The following PLEKHB2 variants were observed in gnomAD, a reference collection of about 807,000 sequenced individuals.
The protein encoded by PLEKHB2 is pleckstrin homology domain-containing family B member 2.
Under a neutral mutation model 36.5 loss-of-function variants are expected in PLEKHB2, and 31 were observed. The observed-to-expected ratio is 0.85, with a 90% CI of 0.64 to 1.15. The LOEUF (loss-of-function observed/expected upper bound fraction) is 1.15. Ranked by LOEUF, PLEKHB2 falls within the 50% of genes most tolerant of loss-of-function variation. The pLI is 0.00. For missense variants in PLEKHB2, 262 were observed against 295.3 expected (o/e 0.89, Z 0.83); for synonymous variants, 119 against 112.0 (o/e 1.06, Z -0.39).
intron 6 of PLEKHB2, 101 bp from the exon 7 acceptor site, chr2:131,140,066 A>G: frequency 1.5e-6 from 1 of 650,034 alleles, no homozygotes; most frequent in Non-Finnish European, 2.7e-6. Flanking sequence ...GTTTTTTTTA[A>G]TTGACTGTTG....
In PLEKHB2 at chr2:131,126,693, C is replaced by A. The variant is rs931642515; in HGVS notation, c.200C>A (p.Pro67His). The change falls in exon 4 of 8, where the codon CCC (proline) becomes CAC (histidine). Residue 67 changes from proline (P) to histidine (H), a missense_variant. By Grantham distance (77) the Pro-to-His change is moderately conservative. Coordinates refer to ENST00000693505, the MANE Select transcript of PLEKHB2 (RefSeq NM_001100623.2). The part of the protein sequence containing the change: ...RTGQECRDTQ[P>H]PDGKSKDCML... ...TGCTTATTTTTCATAGATACTCAGC[C>A]CCCGGATGGAAAGTCAAAAGACTGC... 3.1e-6 allele frequency: 5 copies of A among 1,597,478 alleles called. 1 individual carries two copies. Among genetic ancestry groups the A allele is most frequent in the Middle Eastern group, 3.3e-4 (2 of 6,036 alleles).
rs190025134 is a variant in PLEKHB2, at chr2:131,132,437, G to C, written c.334-465G>C. ...TCCTTGAGACTTAGCCTTCTGAGTAGCTGGGGCCATAAGCACCATGCCCAG... is the reference window on the plus strand; with the variant it reads ...TCCTTGAGACTTAGCCTTCTGAGTACCTGGGGCCATAAGCACCATGCCCAG... On this transcript the variant is annotated intron_variant, in intron 5 of 7. Transcript: ENST00000693505. 2.8e-3 allele frequency among the ~76,000 whole-genome samples: 422 copies of C among 152,216 alleles called. 7 individuals are homozygous for C. Among genetic ancestry groups the C allele is most frequent in the Non-Finnish European group, 1.8e-3 (120 of 68,012 alleles).
intron 1 of PLEKHB2, among the ~76,000 whole-genome samples, chr2:131,111,812 T>C (rs1254269043): frequency 1.3e-5 from 2 of 152,200 alleles, no homozygotes; most frequent in Admixed American, 1.3e-4. Flanking sequence ...TTTTTAAAGT[T>C]TTCTTTTGTA....
intron 7 of PLEKHB2, among the ~76,000 whole-genome samples, chr2:131,146,138 T>C (rs1699266832): frequency 6.6e-6 from 1 of 151,284 alleles, no homozygotes; most frequent in African/African-American, 2.4e-5. Context: ...GCTGAGATCA[T>C]GCCACTGCAC....
rs938682431 is a variant in PLEKHB2, at chr2:131,147,443, A to G, written c.*670A>G. ...ATGGCTTTGGTAGGCATACTTGGAG[A>G]ACATATCCCACATTAGGAATTGATT... On this transcript the variant is annotated 3_prime_UTR_variant, in exon 8 of 8. Coordinates refer to ENST00000693505, the MANE Select transcript of PLEKHB2 (RefSeq NM_001100623.2). The G allele has an allele frequency of 2.0e-5, 3 of 152,358 alleles. No homozygotes were observed. Among genetic ancestry groups the G allele is most frequent in the East Asian group, 3.9e-4 (2 of 5,186 alleles). 9.4% of individuals were successfully genotyped at this position (152,358 alleles called of 1,614,324 possible). A position where few individuals can be genotyped will look rare whatever the true frequency, so the allele number is the denominator to read the frequency against.
At chr2:131,131,840 G>A (rs1201276728) in intron 5 of PLEKHB2, among the ~76,000 whole-genome samples, 4 of 149,516 alleles carry the variant, frequency 2.7e-5, no homozygotes, top group African/African-American at 9.9e-5. Flanking sequence ...TCTTTGTGTG[G>A]ATTTTTTTTT....
At chr2:131,119,226 A>T (rs1210444002) in intron 1 of PLEKHB2, among the ~76,000 whole-genome samples, 3 of 152,166 alleles carry the variant, frequency 2.0e-5, no homozygotes, top group African/African-American at 7.2e-5. Flanking sequence ...ACTGCACTCC[A>T]GCCTGGACAT....
At chr2:131,142,877 T>A (rs1698931822) in intron 7 of PLEKHB2, among the ~76,000 whole-genome samples, 1 of 151,732 alleles carries the variant, frequency 6.6e-6, no homozygotes, top group Non-Finnish European at 1.5e-5. Context: ...TCTTTTTTTC[T>A]CCCCCCCAAC....
chr2:131,131,678 C>G (rs1225463905), intron 5 of PLEKHB2, among the ~76,000 whole-genome samples: 1 of 151,716 alleles, frequency 6.6e-6, no homozygotes, highest in Non-Finnish European at 1.5e-5. Context: ...CGTCAGTGTT[C>G]TCTTCCTTTG....
rs778614479 is a variant in PLEKHB2 at position 131,120,936 on chromosome 2, G to A, written c.-6G>A. ...ACCTGCCTGTTTTTGTTCTGTAGGT[G>A]AAGAGATGGCGTTTGTGAAGAGTGG... is the stretch of plus-strand genomic sequence containing the variant. On this transcript the variant is annotated splice_region_variant and 5_prime_UTR_variant, in exon 2 of 8. Transcript: ENST00000693505. The A allele has an allele frequency of 1.9e-6, 3 of 1,614,216 alleles. No homozygotes were observed.
At chr2:131,130,697 A>G (rs1365194200) in intron 4 of PLEKHB2, 24 bp from the exon 5 acceptor site, 1 of 1,572,706 alleles carries the variant, frequency 6.4e-7, no homozygotes, top group Non-Finnish European at 8.8e-7. Flanking sequence ...GCCTTAAATA[A>G]AGTACCCTTT....
At chr2:131,122,071 T>C (rs1441278647) in intron 2 of PLEKHB2, among the ~76,000 whole-genome samples, 9 of 152,104 alleles carry the variant, frequency 5.9e-5, no homozygotes, top group Non-Finnish European at 1.5e-5. Context: ...GCTAATTTTG[T>C]ATTTTTAGTA....
intron 7 of PLEKHB2, among the ~76,000 whole-genome samples, chr2:131,145,598 G>A (rs1319567935): frequency 6.6e-6 from 1 of 152,118 alleles, no homozygotes; most frequent in Non-Finnish European, 1.5e-5. Context: ...GCCTCCCAAA[G>A]TGCTGGCATT....
chr2:131,113,935 A>G (rs2104792224), intron 1 of PLEKHB2, among the ~76,000 whole-genome samples: 1 of 151,750 alleles, frequency 6.6e-6, no homozygotes, highest in Non-Finnish European at 1.5e-5. Context: ...TCTTACCCCC[A>G]ATTTCTGAGT....
At chr2:131,141,136 G>C (rs945126207) in intron 7 of PLEKHB2, among the ~76,000 whole-genome samples, 4 of 152,178 alleles carry the variant, frequency 2.6e-5, no homozygotes, top group Admixed American at 2.6e-4. Flanking sequence ...AGGCCTCTGG[G>C]TTACAATCTT....
At chr2:131,135,530 C>T (rs1313373446) in intron 6 of PLEKHB2, among the ~76,000 whole-genome samples, 1 of 152,124 alleles carries the variant, frequency 6.6e-6, no homozygotes, top group Non-Finnish European at 1.5e-5. Flanking sequence ...TTGGTTAGAC[C>T]TTCAAATATT....
chr2:131,146,337 A>C (rs1214148179), intron 7 of PLEKHB2, among the ~76,000 whole-genome samples: 2 of 152,156 alleles, frequency 1.3e-5, no homozygotes, highest in Admixed American at 1.3e-4. Context: ...TCTGCCACCC[A>C]ATAAGCATGG....
intron 5 of PLEKHB2, among the ~76,000 whole-genome samples, chr2:131,131,329 C>T (rs1266840217): frequency 6.6e-6 from 1 of 152,216 alleles, no homozygotes; most frequent in African/African-American, 2.4e-5. Context: ...TTGAATTGTG[C>T]TGTGGTTTGC....
At chr2:131,121,537 G>A (rs926873906) in intron 2 of PLEKHB2, among the ~76,000 whole-genome samples, 1 of 152,142 alleles carries the variant, frequency 6.6e-6, no homozygotes, top group Non-Finnish European at 1.5e-5. Flanking sequence ...GTGAGCCACC[G>A]TGCCCAGCTG....
Sources: gnomAD v4.1 joint callset for allele counts (sites outside exome capture counted in the v4.1 genomes callset) on GRCh38, gnomAD v4.1.1 for gene constraint, MANE v1.5 for transcripts, NCBI Gene and HGNC (gene_info 2026-07-23, HGNC 2026-07-21) for gene names.